Variants in KCNJ6 observed in about 807,000 individuals in gnomAD.
KCNJ6 encodes potassium inwardly rectifying channel subfamily J member 6.
In KCNJ6, 9 loss-of-function variants were observed where a neutral mutation model predicts 34.2. That is an observed-to-expected ratio of 0.26 (90% confidence interval 0.16 to 0.46). KCNJ6 has a LOEUF of 0.46. Ranked by LOEUF, KCNJ6 falls within the 20% of genes least tolerant of loss-of-function variation. The pLI, the probability that KCNJ6 is intolerant of heterozygous loss-of-function variation, is 1.00. For synonymous variants in KCNJ6, 196 were observed against 207.1 expected (o/e 0.95, Z 0.46); for missense variants, 236 against 531.3 (o/e 0.44, Z 5.46).
At chr21:37,910,662 A>C (rs2055862965) in intron 1 of KCNJ6, among the ~76,000 whole-genome samples, 1 of 152,214 alleles carries the variant, frequency 6.6e-6, no homozygotes, top group African/African-American at 2.4e-5. Context: ...CTATTCACTA[A>C]AAGAATCACC....
At chr21:37,711,217 G>A (rs532063271) in intron 3 of KCNJ6, among the ~76,000 whole-genome samples, 8 of 152,316 alleles carry the variant, frequency 5.3e-5, no homozygotes, top group South Asian at 2.1e-4. Flanking sequence ...CGCCTGCACC[G>A]GGCCTGAGCT....
chr21:37,758,443 G>A (rs2055042634), intron 2 of KCNJ6, among the ~76,000 whole-genome samples: 1 of 152,178 alleles, frequency 6.6e-6, no homozygotes, highest in South Asian at 2.1e-4. Context: ...TAAACCAAGT[G>A]TCCAGAAAAA....
intron 1 of KCNJ6, among the ~76,000 whole-genome samples, chr21:37,877,812 A>C (rs998525510): frequency 2.6e-5 from 4 of 152,258 alleles, no homozygotes; most frequent in Admixed American, 6.5e-5. Flanking sequence ...GTTGGAACTT[A>C]ATAGAATACC....
At chr21:37,845,791 C>T (rs1174948043) in intron 1 of KCNJ6, among the ~76,000 whole-genome samples, 3 of 152,178 alleles carry the variant, frequency 2.0e-5, no homozygotes, top group African/African-American at 7.2e-5. Flanking sequence ...CAGGGAACTA[C>T]TCGTCAACAG....
intron 3 of KCNJ6, among the ~76,000 whole-genome samples, chr21:37,653,260 A>T (rs899866401): frequency 6.6e-6 from 1 of 152,232 alleles, no homozygotes; most frequent in Admixed American, 6.5e-5. Context: ...GAAAGAAGTG[A>T]AGACAGGAAA....
At chr21:37,634,887 G>C (rs567429118) in intron 3 of KCNJ6, among the ~76,000 whole-genome samples, 3 of 151,800 alleles carry the variant, frequency 2.0e-5, no homozygotes, top group Non-Finnish European at 4.4e-5. Context: ...GCCTCCTGAG[G>C]AGCTGGGATT....
chr21:37,793,999 C>T (rs1256215021), intron 2 of KCNJ6, among the ~76,000 whole-genome samples: 2 of 152,170 alleles, frequency 1.3e-5, no homozygotes, highest in Non-Finnish European at 2.9e-5. Context: ...TTTGACAATA[C>T]CTCACAGTAA....
intron 1 of KCNJ6, among the ~76,000 whole-genome samples, chr21:37,870,949 C>A (rs1292950080): frequency 6.6e-6 from 1 of 152,164 alleles, no homozygotes; most frequent in African/African-American, 2.4e-5. Context: ...AAACACCAAT[C>A]CCAAGTCTTG....
chr21:37,809,447 G>A (rs570011138), intron 2 of KCNJ6, among the ~76,000 whole-genome samples: 3 of 151,896 alleles, frequency 2.0e-5, no homozygotes, highest in African/African-American at 4.8e-5. Context: ...AATGGGTGCA[G>A]CACACCAACA....
chr21:37,768,260 A>T (rs2055100894), intron 2 of KCNJ6, among the ~76,000 whole-genome samples: 1 of 152,060 alleles, frequency 6.6e-6, no homozygotes, highest in Non-Finnish European at 1.5e-5. Flanking sequence ...CTCCTGTGTG[A>T]TATGGTGGTC....
chr21:37,625,398 C>T lies in KCNJ6; in HGVS notation c.1033G>A (p.Gly345Arg). 1.2e-6 allele frequency: 2 copies of T among 1,614,030 alleles called. No homozygotes were observed. Among genetic ancestry groups the T allele is most frequent in the Non-Finnish European group, 1.7e-6 (2 of 1,179,882 alleles). Residue 345 changes from glycine to arginine, a missense_variant, in exon 4 of 4, where the codon GGG (glycine) becomes AGG (arginine). Coordinates refer to ENST00000609713, the MANE Select transcript of KCNJ6 (RefSeq NM_002240.5). ...RFTPVLTLED[G>R]FYEVDYNSFH... Reference sequence around the variant, plus strand: ...CTGTTGTAGTCAACTTCGTAGAACCCGTCCTCCAGGGTCAGGACAGGTGTG... The same window carrying T: ...CTGTTGTAGTCAACTTCGTAGAACCTGTCCTCCAGGGTCAGGACAGGTGTG...
intron 3 of KCNJ6, among the ~76,000 whole-genome samples, chr21:37,658,461 A>C (rs2054474127): frequency 6.6e-6 from 1 of 152,274 alleles, no homozygotes; most frequent in Admixed American, 6.5e-5. Flanking sequence ...AGAATGTTGC[A>C]GCAAGCAGGC....
intron 2 of KCNJ6, among the ~76,000 whole-genome samples, chr21:37,766,411 C>T (rs989202299): frequency 1.1e-4 from 17 of 152,182 alleles, no homozygotes; most frequent in Admixed American, 3.3e-4. Context: ...GTGGGTAACA[C>T]GGTAACTGCC....
At chr21:37,685,810 C>T (rs17284567) in intron 3 of KCNJ6, among the ~76,000 whole-genome samples, 2,367 of 149,044 alleles carry the variant, frequency 0.016, 43 homozygotes, top group East Asian at 0.057. Context: ...TAGAAATGAT[C>T]GTATGTCCAT....
At chr21:37,836,905 A>T (rs1001932150) in intron 2 of KCNJ6, among the ~76,000 whole-genome samples, 3 of 152,104 alleles carry the variant, frequency 2.0e-5, no homozygotes, top group East Asian at 1.9e-4. Flanking sequence ...AAAAAGATTT[A>T]AAAAAATTGG....
At chr21:37,821,018 T>G (rs1181773679) in intron 2 of KCNJ6, among the ~76,000 whole-genome samples, 3 of 152,220 alleles carry the variant, frequency 2.0e-5, no homozygotes, top group Admixed American at 6.5e-5. Flanking sequence ...TTTAAAATGT[T>G]TCAGCTGGTT....
chr21:37,637,268 C>T (rs950003024), intron 3 of KCNJ6, among the ~76,000 whole-genome samples: 1 of 152,188 alleles, frequency 6.6e-6, no homozygotes, highest in African/African-American at 2.4e-5. Flanking sequence ...ATTTAAATAA[C>T]GATGAGCCCT....
At chr21:37,791,388 T>C (rs752725357) in intron 2 of KCNJ6, among the ~76,000 whole-genome samples, 10 of 152,210 alleles carry the variant, frequency 6.6e-5, no homozygotes, top group Admixed American at 1.3e-4. Flanking sequence ...GTCACAGTTC[T>C]TGTGGTCCAT....
At chr21:37,657,947 C>A (rs1310138622) in intron 3 of KCNJ6, among the ~76,000 whole-genome samples, 1 of 152,232 alleles carries the variant, frequency 6.6e-6, no homozygotes, top group Non-Finnish European at 1.5e-5. Context: ...GAACTCAGAT[C>A]TTTGGCCACC....
Sources: allele counts gnomAD v4.1 joint callset (sites outside exome capture counted in the v4.1 genomes callset), GRCh38; gene constraint gnomAD v4.1.1; transcripts MANE v1.5; gene names NCBI Gene and HGNC (gene_info 2026-07-23, HGNC 2026-07-21).